The following IGF1R variants were observed in gnomAD, a reference collection of about 807,000 sequenced individuals.
IGF1R encodes the protein insulin-like growth factor 1 receptor.
In IGF1R, 44 loss-of-function variants were observed where a neutral mutation model predicts 144.6. The observed-to-expected ratio is 0.30, with a 90% confidence interval of 0.24 to 0.39. IGF1R has a LOEUF of 0.39. Among genes scored for constraint, IGF1R ranks in the 10% least tolerant of loss-of-function variants. IGF1R has a pLI of 1.00. For synonymous variants in IGF1R, 795 were observed against 722.8 expected, an observed-to-expected ratio of 1.10 and a Z score of -1.60; for missense variants, 1,355 against 1,833.7, an observed-to-expected ratio of 0.74 and a Z score of 4.77.
At chr15:98,950,831 G>A (rs2016744227) in intron 20 of IGF1R, among the ~76,000 whole-genome samples, 1 of 152,146 alleles carries the variant, frequency 6.6e-6, no homozygotes, top group African/African-American at 2.4e-5. Flanking sequence ...AACGATCTTG[G>A]GGGGCATCTT....
intron 10 of IGF1R, among the ~76,000 whole-genome samples, chr15:98,920,252 T>G (rs915117291): frequency 2.0e-5 from 3 of 152,292 alleles, no homozygotes. Flanking sequence ...GTATGGGCCA[T>G]TGTGCTTCCC....
intron 2 of IGF1R, among the ~76,000 whole-genome samples, chr15:98,805,718 C>G (rs941881752): frequency 6.6e-6 from 1 of 152,170 alleles, no homozygotes; most frequent in Admixed American, 6.6e-5. Context: ...AAAATAAAAT[C>G]GTAAAGTAGT....
intron 2 of IGF1R, among the ~76,000 whole-genome samples, chr15:98,772,504 A>ATTG (rs2055611362): frequency 8.7e-6 from 1 of 114,656 alleles, no homozygotes; most frequent in Non-Finnish European, 1.8e-5. Context: ...TATTATTATT[A>ATTG]TTATTATTAT....
At chr15:98,758,578 G>A (rs1170929034) in intron 2 of IGF1R, among the ~76,000 whole-genome samples, 1 of 152,198 alleles carries the variant, frequency 6.6e-6, no homozygotes, top group Admixed American at 6.5e-5. Context: ...CACCTTCCAT[G>A]GAAGCCCCCC....
chr15:98,914,457 C>T (rs1420852172), intron 8 of IGF1R, among the ~76,000 whole-genome samples: 1 of 152,190 alleles, frequency 6.6e-6, no homozygotes, highest in Non-Finnish European at 1.5e-5. Flanking sequence ...CTCCTTCCTC[C>T]ACTCCTACCC....
intron 2 of IGF1R, among the ~76,000 whole-genome samples, chr15:98,844,875 T>A (rs2011252570): frequency 6.6e-6 from 1 of 152,210 alleles, no homozygotes; most frequent in Non-Finnish European, 1.5e-5. Context: ...AATCTTTCCC[T>A]CCTTCTGTTA....
Position 98,857,379 on chromosome 15 carries a change from C to T in IGF1R, c.641-33946C>T, listed in dbSNP as rs914802559. Among the ~76,000 whole-genome samples, 7 of 152,268 alleles carry T rather than the reference C, an allele frequency of 4.6e-5. No homozygotes were observed. The East Asian group carries it at 9.6e-4, about 21-fold the overall frequency. Reference sequence around the variant, plus strand: ...GATTACAGGCATGTGCCACCACACCCGGCTAATTTTTGTATTTTCAGTAGA... The same window carrying T: ...GATTACAGGCATGTGCCACCACACCTGGCTAATTTTTGTATTTTCAGTAGA... On this transcript the variant is annotated intron_variant, in intron 2 of 20. Transcript: ENST00000650285.
At chr15:98,661,490 G>A (rs1596151455) in intron 1 of IGF1R, among the ~76,000 whole-genome samples, 1 of 152,244 alleles carries the variant, frequency 6.6e-6, no homozygotes, top group African/African-American at 2.4e-5. Flanking sequence ...AAGCTGGAAT[G>A]TTAATATTCA....
intron 2 of IGF1R, among the ~76,000 whole-genome samples, chr15:98,807,500 A>T (rs763767444): frequency 3.9e-5 from 6 of 152,192 alleles, no homozygotes; most frequent in African/African-American, 1.2e-4. Flanking sequence ...GACTCCTGGC[A>T]TAGTTTTAGG....
intron 2 of IGF1R, among the ~76,000 whole-genome samples, chr15:98,865,109 C>G (rs533355967): frequency 6.6e-6 from 1 of 152,168 alleles, no homozygotes; most frequent in Non-Finnish European, 1.5e-5. Context: ...GGACTCCTTA[C>G]AGTAGGATAC....
intron 6 of IGF1R, 109 bp downstream of exon 6, chr15:98,909,008 G>C: frequency 1.1e-6 from 1 of 944,592 alleles, no homozygotes; most frequent in Non-Finnish European, 1.7e-6. Context: ...GGTTTCACAT[G>C]GGGGACCACT....
intron 1 of IGF1R, among the ~76,000 whole-genome samples, chr15:98,693,448 C>T (rs1311084462): frequency 6.6e-6 from 1 of 152,194 alleles, no homozygotes; most frequent in African/African-American, 2.4e-5. Flanking sequence ...TGTCCTTCAG[C>T]CCTGCCTCCT....
chr15:98,844,319 A>G (rs992922668), intron 2 of IGF1R, among the ~76,000 whole-genome samples: 2 of 152,216 alleles, frequency 1.3e-5, no homozygotes, highest in East Asian at 1.9e-4. Flanking sequence ...AATCTTTTAA[A>G]CAAATTGTCA....
intron 2 of IGF1R, among the ~76,000 whole-genome samples, chr15:98,873,076 A>G (rs528392317): frequency 6.6e-6 from 1 of 152,256 alleles, no homozygotes; most frequent in Admixed American, 6.5e-5. Context: ...AAGGATGTCA[A>G]GGGGCCACTT....
intron 1 of IGF1R, among the ~76,000 whole-genome samples, chr15:98,670,501 A>G (rs528738733): frequency 1.3e-5 from 2 of 152,118 alleles, no homozygotes; most frequent in African/African-American, 2.4e-5. Context: ...GGTTCTTAAG[A>G]GCAAAAAAAA....
At chr15:98,810,560 T>C (rs891829177) in intron 2 of IGF1R, among the ~76,000 whole-genome samples, 3 of 151,012 alleles carry the variant, frequency 2.0e-5, no homozygotes, top group African/African-American at 7.3e-5. Context: ...TTTTCTTTTT[T>C]TTTTTTTTTT....
intron 2 of IGF1R, among the ~76,000 whole-genome samples, chr15:98,742,818 G>A (rs573933625): frequency 6.6e-6 from 1 of 152,250 alleles, no homozygotes; most frequent in East Asian, 1.9e-4. Context: ...GGCTGAGGCG[G>A]GTGGATCACC....
chr15:98,788,544 G>A (rs2056058849), intron 2 of IGF1R, among the ~76,000 whole-genome samples: 1 of 152,246 alleles, frequency 6.6e-6, no homozygotes, highest in Non-Finnish European at 1.5e-5. Context: ...TAAGGCATTT[G>A]TTTGGTAGAA....
chr15:98,670,666 C>A (rs1021816495), intron 1 of IGF1R, among the ~76,000 whole-genome samples: 1 of 152,178 alleles, frequency 6.6e-6, no homozygotes, highest in Non-Finnish European at 1.5e-5. Context: ...GTGGCACCTT[C>A]CTCTCAGGTC....
Sources: allele counts gnomAD v4.1 joint callset (sites outside exome capture counted in the v4.1 genomes callset), GRCh38; gene constraint gnomAD v4.1.1; transcripts MANE v1.5; gene names NCBI Gene and HGNC (gene_info 2026-07-23, HGNC 2026-07-21).